Variants in ZNF804A observed in about 807,000 individuals in gnomAD.
ZNF804A encodes the protein zinc finger protein 804A.
A neutral mutation model predicts 16.5 loss-of-function variants in ZNF804A; 2 were observed. That is an observed-to-expected ratio of 0.12 (90% CI 0.05 to 0.38). ZNF804A has a LOEUF of 0.38. Among genes scored for constraint, ZNF804A ranks in the 10% least tolerant of loss-of-function variants. The probability of loss-of-function intolerance (pLI) is 0.99; values close to 1 mark genes in which losing one functional copy is unlikely to be tolerated. For synonymous variants in ZNF804A, 534 were observed against 489.6 expected (o/e 1.09, Z -1.20); for missense variants, 1,473 against 1,390.7 (o/e 1.06, Z -0.94).
At chr2:184,664,448 A>G (rs1692225239) in intron 1 of ZNF804A, among the ~76,000 whole-genome samples, 2 of 152,218 alleles carry the variant, frequency 1.3e-5, no homozygotes, top group Non-Finnish European at 2.9e-5. Flanking sequence ...CTATAACCTT[A>G]AATATGAAGA....
chr2:184,889,758 C>A (rs1049986497), intron 2 of ZNF804A, among the ~76,000 whole-genome samples: 2 of 151,788 alleles, frequency 1.3e-5, no homozygotes, highest in African/African-American at 4.8e-5. Flanking sequence ...CAATTGCGTG[C>A]CTCACTAAGT....
At chr2:184,861,597 C>T (rs1695800446) in intron 1 of ZNF804A, among the ~76,000 whole-genome samples, 1 of 152,114 alleles carries the variant, frequency 6.6e-6, no homozygotes, top group Admixed American at 6.5e-5. Flanking sequence ...GTAAGGAAAA[C>T]AGGTACAAAT....
At chr2:184,687,732 C>G (rs1692660119) in intron 1 of ZNF804A, among the ~76,000 whole-genome samples, 1 of 152,068 alleles carries the variant, frequency 6.6e-6, no homozygotes, top group Non-Finnish European at 1.5e-5. Context: ...ATTAGTACAA[C>G]TGAATTATAT....
At chr2:184,738,217 G>A (rs926608512) in intron 1 of ZNF804A, among the ~76,000 whole-genome samples, 1 of 151,620 alleles carries the variant, frequency 6.6e-6, no homozygotes, top group African/African-American at 2.4e-5. Context: ...ATACTGATTA[G>A]TGGCAAGGCA....
chr2:184,842,129 C>T (rs1695445372), intron 1 of ZNF804A, among the ~76,000 whole-genome samples: 1 of 152,146 alleles, frequency 6.6e-6, no homozygotes, highest in South Asian at 2.1e-4. Context: ...CTTCTCTTTT[C>T]AAAATATCCC....
chr2:184,936,565 T>A lies in ZNF804A; in HGVS notation c.1169T>A (p.Val390Asp). 1 of 1,613,868 alleles carries A rather than the reference T, an allele frequency of 6.2e-7. No individual in the cohort carries two copies. The highest frequency in any genetic ancestry group is 8.5e-7 in the Non-Finnish European group (1 of 1,179,922). ...CATAACGAGGCATCCACAACTGAGG[T>A]TGAAAATAAAAATGGTCCCGAGACA... ...VKHNEASTTE[V>D]ENKNGPETLA... The change falls in exon 4 of 4, where the codon GTT becomes GAT. Residue 390 changes from valine to aspartate, a missense_variant. Physicochemically the swap from Val to Asp is radical, Grantham distance 152 (BLOSUM62 -3). Transcript: ENST00000302277.
At chr2:184,806,498 T>C (rs917448580) in intron 1 of ZNF804A, among the ~76,000 whole-genome samples, 1 of 151,896 alleles carries the variant, frequency 6.6e-6, no homozygotes, top group Non-Finnish European at 1.5e-5. Context: ...TGCTACTAAT[T>C]GATCATCACA....
At chr2:184,614,880 G>T (rs1691295830) in intron 1 of ZNF804A, among the ~76,000 whole-genome samples, 1 of 152,096 alleles carries the variant, frequency 6.6e-6, no homozygotes, top group Non-Finnish European at 1.5e-5. Flanking sequence ...AAAAAGTCAG[G>T]AAACAACAGA....
At position 184,767,594 on chromosome 2, in the gene ZNF804A, A is replaced by G. The variant is rs572500644; in HGVS notation, c.112-98775A>G. Among the ~76,000 whole-genome samples, 7 of 152,290 alleles carry G rather than the reference A, an allele frequency of 4.6e-5. No homozygotes were observed. The South Asian group carries it at 8.3e-4, about 18-fold the overall frequency. ...TAAGGTGGTAAATTTTATGTTACAT[A>G]TATTTGCCACAAAGTGTCAAACAAA... On this transcript the variant is annotated intron_variant, in intron 1 of 3. Transcript: ENST00000302277.
At chr2:184,876,142 G>C (rs554106727) in intron 2 of ZNF804A, among the ~76,000 whole-genome samples, 5 of 152,284 alleles carry the variant, frequency 3.3e-5, no homozygotes, top group African/African-American at 1.2e-4. Context: ...CAGGTTGTTG[G>C]AATGTTTTGT....
At chr2:184,768,333 A>G (rs1465310121) in intron 1 of ZNF804A, among the ~76,000 whole-genome samples, 8 of 152,094 alleles carry the variant, frequency 5.3e-5, no homozygotes, top group Admixed American at 5.3e-4. Context: ...CTCTGAAGAT[A>G]TCAAAAGACC....
chr2:184,938,160 A>C lies in ZNF804A; in HGVS notation c.2764A>C (p.Ser922Arg), dbSNP rs1202637644. The C allele has an allele frequency of 6.2e-7, 1 of 1,614,148 alleles. No individual in the cohort carries two copies. The highest frequency in any genetic ancestry group is 1.3e-5 in the African/African-American group (1 of 75,058). Residue 922 changes from serine (S) to arginine (R), a missense_variant, in exon 4 of 4, where the codon AGT (serine) becomes CGT (arginine). Ser to Arg is a moderately radical substitution (Grantham distance 110). Transcript: ENST00000302277. ...NDPTTSVCVA[S>R]APTKEAIDNT... ...TCCCACCACATCTGTCTGTGTAGCT[A>C]GTGCCCCAACAAAAGAAGCAATTGA...
chr2:184,937,684 A>G lies in ZNF804A; in HGVS notation c.2288A>G (p.Asn763Ser). ...AAAAGAGGTTACAATTCTGTCATGA[A>G]TGAATCAGAAAGATTCTATCGAAAA... ...AVKRGYNSVMNESERFYRKRR... is the reference protein window; with the variant it reads ...AVKRGYNSVMSESERFYRKRR... The change falls in exon 4 of 4, where the codon AAT becomes AGT. Residue 763 changes from asparagine to serine, a missense_variant. Physicochemically the swap from Asn to Ser is conservative, Grantham distance 46 (BLOSUM62 1). Transcript: ENST00000302277. The G allele has an allele frequency of 1.2e-5, 20 of 1,614,086 alleles. No homozygotes were observed. Among genetic ancestry groups the G allele is most frequent in the Non-Finnish European group, 1.7e-5 (20 of 1,179,982 alleles).
At chr2:184,670,023 T>G (rs2105711755) in intron 1 of ZNF804A, among the ~76,000 whole-genome samples, 1 of 152,262 alleles carries the variant, frequency 6.6e-6, no homozygotes, top group Non-Finnish European at 1.5e-5. Context: ...TTTCACTAAG[T>G]TTTTAATGAT....
chr2:184,674,155 C>T (rs1692383916), intron 1 of ZNF804A, among the ~76,000 whole-genome samples: 1 of 151,828 alleles, frequency 6.6e-6, no homozygotes, highest in African/African-American at 2.4e-5. Flanking sequence ...GTGTCTGTTC[C>T]TCATTTCTCT....
chr2:184,810,093 A>G (rs1277797202), intron 1 of ZNF804A, among the ~76,000 whole-genome samples: 1 of 152,194 alleles, frequency 6.6e-6, no homozygotes, highest in African/African-American at 2.4e-5. Context: ...AGTCTGAAAT[A>G]CTGGTGAAAA....
Position 184,795,113 on chromosome 2 carries a change from T to C in ZNF804A, c.112-71256T>C, listed in dbSNP as rs910604394. ...GAACACCTATCCAACAACCACAGAATATACATTCTATTCAACAGTGCATGG... is the reference window on the plus strand; with the variant it reads ...GAACACCTATCCAACAACCACAGAACATACATTCTATTCAACAGTGCATGG... On this transcript the variant is annotated intron_variant, in intron 1 of 3. Coordinates refer to ENST00000302277, the MANE Select transcript of ZNF804A (RefSeq NM_194250.2). 7.2e-5 allele frequency among the ~76,000 whole-genome samples: 11 copies of C among 152,214 alleles called. 1 individual carries two copies. The South Asian group carries it at 2.3e-3, about 32-fold the overall frequency.
In ZNF804A at chr2:184,876,341, G is replaced by T. The variant is rs142811142; in HGVS notation, c.255+9829G>T. ...CTTAATTTAAAAGTAGGAGATACTG[G>T]CAAGGTAATGCGCAATACAATCACT... On this transcript the variant is annotated intron_variant, in intron 2 of 3. Coordinates refer to ENST00000302277, the MANE Select transcript of ZNF804A (RefSeq NM_194250.2). Among the ~76,000 whole-genome samples, 1,344 of 151,898 alleles carry T rather than the reference G, an allele frequency of 8.8e-3. 17 individuals are homozygous for T. The highest frequency in any genetic ancestry group is 0.014 in the Non-Finnish European group (970 of 67,826).
At chr2:184,650,097 A>G (rs1691954209) in intron 1 of ZNF804A, among the ~76,000 whole-genome samples, 1 of 152,116 alleles carries the variant, frequency 6.6e-6, no homozygotes, top group African/African-American at 2.4e-5. Flanking sequence ...AGCACATCAA[A>G]AAGTTAATTC....
Sources: allele counts gnomAD v4.1 joint callset (sites outside exome capture counted in the v4.1 genomes callset), GRCh38; gene constraint gnomAD v4.1.1; transcripts MANE v1.5; gene names NCBI Gene and HGNC (gene_info 2026-07-23, HGNC 2026-07-21).